Variants in ETS1 observed in about 807,000 individuals in gnomAD.
ETS1 encodes protein C-ets-1.
A neutral mutation model predicts 58.6 loss-of-function variants in ETS1; 15 were observed. The ratio of observed to expected loss-of-function variants is 0.26; its 90% CI spans 0.17 to 0.39. The LOEUF (loss-of-function observed/expected upper bound fraction) is 0.39, where lower values mean the gene tolerates loss of function less well. Among genes scored for constraint, ETS1 ranks in the 10% least tolerant of loss-of-function variants. The pLI is 1.00. For missense variants in ETS1, 417 were observed against 610.5 expected, an observed-to-expected ratio of 0.68 and a Z score of 3.34; for synonymous variants, 214 against 218.2, an observed-to-expected ratio of 0.98 and a Z score of 0.17.
chr11:128,487,102 C>T (rs1862654293), intron 5 of ETS1, among the ~76,000 whole-genome samples: 1 of 152,166 alleles, frequency 6.6e-6, no homozygotes, highest in South Asian at 2.1e-4. Flanking sequence ...ATCCCCGTAC[C>T]TTTCACCTTC....
chr11:128,570,718 G>A (rs543193474), intron 2 of ETS1, among the ~76,000 whole-genome samples: 257 of 152,178 alleles, frequency 1.7e-3, no homozygotes, highest in African/African-American at 5.7e-3. Context: ...CGTCTTTAAG[G>A]AAATTTTAAT....
chr11:128,562,577 AG>A (rs1229930801), intron 2 of ETS1, among the ~76,000 whole-genome samples: 2 of 152,172 alleles, frequency 1.3e-5, no homozygotes, highest in African/African-American at 4.8e-5. Context: ...AGGCTACCAG[AG>A]GACATGAGCC....
At chr11:128,522,418 GA>G (rs1461855442) in intron 3 of ETS1, 1 of 917,162 alleles carries the variant, frequency 1.1e-6, no homozygotes, top group Non-Finnish European at 1.3e-6. Flanking sequence ...TGGGCCGGGC[GA>G]TGTCCGCTTG....
At chr11:128,582,713 T>A (rs749398102) in intron 1 of ETS1, among the ~76,000 whole-genome samples, 2 of 152,206 alleles carry the variant, frequency 1.3e-5, no homozygotes, top group Non-Finnish European at 2.9e-5. Context: ...TTAATGGTAG[T>A]CTGTTTGTAC....
At chr11:128,476,170 C>G (rs1862317434) in intron 8 of ETS1, among the ~76,000 whole-genome samples, 1 of 152,160 alleles carries the variant, frequency 6.6e-6, no homozygotes. Context: ...TCAACAACAG[C>G]TGCAGAAGTG....
At chr11:128,511,150 T>C (rs905500327) in intron 3 of ETS1, among the ~76,000 whole-genome samples, 3 of 152,200 alleles carry the variant, frequency 2.0e-5, no homozygotes, top group Non-Finnish European at 4.4e-5. Flanking sequence ...GTTTTGTGTT[T>C]CCTGAAGCAT....
At chr11:128,548,017 C>T (rs977266412) in intron 3 of ETS1, among the ~76,000 whole-genome samples, 10 of 149,296 alleles carry the variant, frequency 6.7e-5, no homozygotes, top group African/African-American at 2.5e-4. Context: ...AGACAGCAGT[C>T]AGGGAACAAG....
intron 7 of ETS1, among the ~76,000 whole-genome samples, chr11:128,482,705 A>G (rs989553031): frequency 6.6e-6 from 1 of 152,208 alleles, no homozygotes; most frequent in Non-Finnish European, 1.5e-5. Flanking sequence ...AAATGGGTAG[A>G]ATCCAACTGG....
Position 128,458,969 on chromosome 11 carries a change from C to CAA in ETS1, c.*3391_*3392insTT, listed in dbSNP as rs1254714633. The CAA allele has an allele frequency of 3.9e-5, 6 of 152,378 alleles. No homozygotes were observed. Among genetic ancestry groups the CAA allele is most frequent in the Non-Finnish European group, 8.8e-5 (6 of 67,972 alleles). 9.4% of individuals were successfully genotyped at this position (152,378 alleles called of 1,614,324 possible). On this transcript the variant is annotated 3_prime_UTR_variant, in exon 10 of 10. Transcript: ENST00000392668. This position sits in a 1 kb window ranked among gnomAD's most constrained non-coding sequence, Gnocchi z 4.3. The stretch of plus-strand genomic sequence containing the variant: ...CTTACATCGCTACATCTCTAAGCTA[C>CAA]CTCAGTTCTGATTTTTAAAAAGCAC...
chr11:128,575,427 T>C (rs1864725234), intron 1 of ETS1, among the ~76,000 whole-genome samples: 2 of 152,222 alleles, frequency 1.3e-5, no homozygotes, highest in African/African-American at 4.8e-5. Context: ...GGAGTACGAT[T>C]GTATTTATCC....
intron 3 of ETS1, among the ~76,000 whole-genome samples, chr11:128,537,872 A>G (rs1453257091): frequency 6.6e-6 from 1 of 152,178 alleles, no homozygotes; most frequent in East Asian, 1.9e-4. Context: ...AAGGCCAAAT[A>G]AGCACCTACA....
Position 128,585,036 on chromosome 11 carries a change from G to GAA in ETS1, c.-15+2450_-15+2451dup, listed in dbSNP as rs1205823150. Among the ~76,000 whole-genome samples, 2 of 3,410 alleles carry GAA rather than the reference G, an allele frequency of 5.9e-4. 1 individual carries two copies. The highest frequency in any genetic ancestry group is 0.014 in the South Asian group (2 of 148). 2.2% of individuals were successfully genotyped at this position (3,410 alleles called of 152,430 possible). ...GGAAAGAAAGAAGAAAGAAAGAAAA[G>GAA]AAAGAAAGAAAGAAAGAAAGAAAGA... On this transcript the variant is annotated intron_variant, in intron 1 of 9. Coordinates refer to ENST00000392668, the MANE Select transcript of ETS1 (RefSeq NM_001143820.2).
intron 3 of ETS1, among the ~76,000 whole-genome samples, chr11:128,550,016 G>A (rs1864204818): frequency 6.6e-6 from 1 of 152,198 alleles, no homozygotes; most frequent in Non-Finnish European, 1.5e-5. Flanking sequence ...TTATTTATTG[G>A]TCCCCTGCGA....
chr11:128,571,344 G>T (rs999851607), intron 2 of ETS1, among the ~76,000 whole-genome samples: 11 of 151,766 alleles, frequency 7.2e-5, no homozygotes, highest in Admixed American at 6.6e-5. Context: ...GTGAACCCGG[G>T]AGGCTGAGCT....
At chr11:128,563,103 G>A (rs748254343) in intron 2 of ETS1, among the ~76,000 whole-genome samples, 12 of 152,104 alleles carry the variant, frequency 7.9e-5, no homozygotes, top group Non-Finnish European at 1.0e-4. Context: ...GTCCACATGC[G>A]ATGAGTAACT....
intron 3 of ETS1, among the ~76,000 whole-genome samples, chr11:128,501,777 T>C (rs1425706306): frequency 6.6e-6 from 1 of 152,238 alleles, no homozygotes; most frequent in Non-Finnish European, 1.5e-5. Flanking sequence ...TAGATCCACA[T>C]ATCTTTGTCT....
rs76634238 is a variant in ETS1, at chr11:128,466,314, G to A, written c.1124-2687C>T. ...GCACGGGGTCTCATGACACCAAGCC[G>A]AGGAAAGGGATGGGAAGATCGAGAT... On this transcript the variant is annotated intron_variant, in intron 8 of 9. Transcript: ENST00000392668. Among the ~76,000 whole-genome samples the A allele has an allele frequency of 1.3e-3, 193 of 152,264 alleles. 3 individuals carry two copies. The East Asian group carries it at 0.036, about 28-fold the overall frequency.
Position 128,556,292 on chromosome 11 carries a change from T to C in ETS1, c.213A>G (p.Ser71=). 1 of 1,608,258 alleles carries C rather than the reference T, an allele frequency of 6.2e-7. No individual in the cohort carries two copies. Among genetic ancestry groups the C allele is most frequent in the Non-Finnish European group, 8.5e-7 (1 of 1,177,750 alleles). ...CCCAGCTTTTGTTTATGTTCCTACC[T>C]GAGACACAGTGTTCAAGACCAGTAG... is the stretch of plus-strand genomic sequence containing the variant. ...EVPTGLEHCV[S]DMECADVPLL... Residue 71 remains serine, a splice_region_variant and synonymous_variant, in exon 3 of 10, where the codon TCA becomes TCG. Coordinates refer to ENST00000392668, the MANE Select transcript of ETS1 (RefSeq NM_001143820.2).
chr11:128,506,273 T>C (rs1565386697), intron 3 of ETS1, among the ~76,000 whole-genome samples: 1 of 151,868 alleles, frequency 6.6e-6, no homozygotes, highest in Non-Finnish European at 1.5e-5. Flanking sequence ...GTAAATTTTA[T>C]GTTATATCAA....
Sources: gnomAD v4.1 joint callset for allele counts (sites outside exome capture counted in the v4.1 genomes callset) on GRCh38, gnomAD v4.1.1 for gene constraint, Gnocchi (gnomAD v3.1) non-coding constraint, MANE v1.5 for transcripts, NCBI Gene and HGNC (gene_info 2026-07-23, HGNC 2026-07-21) for gene names.